SERGEF: variants seen among roughly 807,000 people sequenced by gnomAD.
SERGEF encodes the protein secretion-regulating guanine nucleotide exchange factor.
A neutral mutation model predicts 50.0 loss-of-function variants in SERGEF; 51 were observed. The ratio of observed to expected loss-of-function variants is 1.02; its 90% CI spans 0.81 to 1.29. SERGEF has a LOEUF of 1.29. Ranked by LOEUF, SERGEF falls within the 50% of genes most tolerant of loss-of-function variation. SERGEF has a pLI of 0.00. For synonymous variants in SERGEF, 205 were observed against 212.4 expected (o/e 0.97, Z 0.30); for missense variants, 521 against 557.0 (o/e 0.94, Z 0.65).
intron 9 of SERGEF, among the ~76,000 whole-genome samples, chr11:17,908,733 C>T (rs182642180): frequency 6.6e-6 from 1 of 152,034 alleles, no homozygotes; most frequent in African/African-American, 2.4e-5. Context: ...GATGGGGGAG[C>T]CTTAATGAAT....
chr11:17,806,875 C>T (rs150272272), intron 10 of SERGEF, among the ~76,000 whole-genome samples: 1 of 151,780 alleles, frequency 6.6e-6, no homozygotes, highest in Non-Finnish European at 1.5e-5. Context: ...TCCCACCAAA[C>T]TCAATTGTGT....
chr11:17,804,143 T>C (rs770966606), intron 10 of SERGEF, among the ~76,000 whole-genome samples: 2 of 152,218 alleles, frequency 1.3e-5, no homozygotes, highest in Non-Finnish European at 2.9e-5. Context: ...TTTCAAACAG[T>C]GGCCCGATGA....
chr11:17,890,894 T>A (rs1851521054), intron 9 of SERGEF, among the ~76,000 whole-genome samples: 1 of 152,144 alleles, frequency 6.6e-6, no homozygotes, highest in African/African-American at 2.4e-5. Context: ...AGAAGCAAAC[T>A]TGAAGGGGTT....
At chr11:17,930,079 C>T (rs770263098) in intron 9 of SERGEF, among the ~76,000 whole-genome samples, 8 of 152,208 alleles carry the variant, frequency 5.3e-5, no homozygotes, top group Non-Finnish European at 1.2e-4. Flanking sequence ...TCAACAGACC[C>T]AAATCTGAAC....
intron 6 of SERGEF, 104 bp downstream of exon 6, chr11:17,995,692 C>G: frequency 1.2e-6 from 1 of 810,422 alleles, no homozygotes; most frequent in South Asian, 1.7e-5. Flanking sequence ...TTAGAGAGAC[C>G]AAGAAATAGC....
intron 8 of SERGEF, among the ~76,000 whole-genome samples, chr11:17,976,994 C>G (rs1000659609): frequency 6.6e-6 from 1 of 152,210 alleles, no homozygotes; most frequent in South Asian, 2.1e-4. Context: ...GCTCTGTGGC[C>G]TGGGCTTCTC....
intron 8 of SERGEF, among the ~76,000 whole-genome samples, chr11:17,970,179 A>G (rs1226123743): frequency 6.6e-6 from 1 of 152,058 alleles, no homozygotes; most frequent in East Asian, 1.9e-4. Flanking sequence ...CAGTAAGTCT[A>G]TTGGCGCCAT....
At chr11:17,829,852 C>T (rs1166351777) in intron 10 of SERGEF, among the ~76,000 whole-genome samples, 1 of 152,098 alleles carries the variant, frequency 6.6e-6, no homozygotes, top group African/African-American at 2.4e-5. Flanking sequence ...AGTATAAAAG[C>T]AGATTTGGGT....
intron 9 of SERGEF, among the ~76,000 whole-genome samples, chr11:17,927,060 C>G (rs1024951251): frequency 6.6e-6 from 1 of 152,212 alleles, no homozygotes; most frequent in Non-Finnish European, 1.5e-5. Context: ...CATACCTACT[C>G]TATTCCCGGT....
At chr11:17,876,881 G>A (rs1488119950) in intron 10 of SERGEF, among the ~76,000 whole-genome samples, 1 of 152,224 alleles carries the variant, frequency 6.6e-6, no homozygotes, top group Non-Finnish European at 1.5e-5. Flanking sequence ...AGCAGTTCCG[G>A]TATAAAGTAT....
intron 9 of SERGEF, among the ~76,000 whole-genome samples, chr11:17,899,305 G>T (rs1374965419): frequency 6.6e-6 from 1 of 151,806 alleles, no homozygotes; most frequent in Non-Finnish European, 1.5e-5. Context: ...TCCCTTCTAC[G>T]GTTTCAAAAT....
intron 10 of SERGEF, among the ~76,000 whole-genome samples, chr11:17,839,724 C>T (rs1046915793): frequency 6.6e-6 from 1 of 152,194 alleles, no homozygotes; most frequent in African/African-American, 2.4e-5. Flanking sequence ...GGGCTGCCAG[C>T]TGATCAGAGG....
chr11:17,843,131 T>A (rs1223961098), intron 10 of SERGEF, among the ~76,000 whole-genome samples: 3 of 152,220 alleles, frequency 2.0e-5, no homozygotes, highest in African/African-American at 7.2e-5. Context: ...TAAGTCTGAA[T>A]TCTGATATGC....
At chr11:17,801,483 CTG>C (rs1849669710) in intron 10 of SERGEF, among the ~76,000 whole-genome samples, 1 of 152,126 alleles carries the variant, frequency 6.6e-6, no homozygotes. Context: ...GATTTATAAA[CTG>C]TTTTGGATAT....
At chr11:17,840,686 T>C (rs1042130093) in intron 10 of SERGEF, among the ~76,000 whole-genome samples, 1 of 152,154 alleles carries the variant, frequency 6.6e-6, no homozygotes, top group African/African-American at 2.4e-5. Flanking sequence ...GAGTTGCAGC[T>C]GCAGAAGAAG....
At chr11:17,894,709 C>T (rs1225057008) in intron 9 of SERGEF, among the ~76,000 whole-genome samples, 2 of 152,174 alleles carry the variant, frequency 1.3e-5, no homozygotes, top group African/African-American at 2.4e-5. Flanking sequence ...GAGGCTGACA[C>T]ATTAGTACTC....
chr11:17,979,810 T>C (rs1853456262), intron 8 of SERGEF, among the ~76,000 whole-genome samples: 1 of 152,206 alleles, frequency 6.6e-6, no homozygotes, highest in Non-Finnish European at 1.5e-5. Flanking sequence ...TACTAGGGTT[T>C]TACTGGATGA....
chr11:17,836,540 T>A (rs1014016336), intron 10 of SERGEF, among the ~76,000 whole-genome samples: 1 of 152,228 alleles, frequency 6.6e-6, no homozygotes, highest in African/African-American at 2.4e-5. Context: ...TGGTTCCTGA[T>A]GCCTAAAGGA....
Position 17,988,476 on chromosome 11 carries a change from C to T in SERGEF, c.844+121G>A, listed in dbSNP as rs997407877. The T allele has an allele frequency of 3.3e-6, 3 of 900,268 alleles. No homozygotes were observed. In the African/African-American group the frequency reaches 5.1e-5, roughly 15 times the overall value. The allele number at this position is 900,268 out of a possible 1,614,324, so 55.8% of individuals were successfully genotyped here. A position where few individuals can be genotyped will look rare whatever the true frequency, so the allele number is the denominator to read the frequency against. ...TGGTGGCAGAACTAGATCCCAGTAT[C>T]CCCATCTCTGATCTTTAAGCTTTCA... On this transcript the variant is annotated intron_variant, in intron 8 of 10. Transcript: ENST00000265965.
Sources: gnomAD v4.1 joint callset for allele counts (sites outside exome capture counted in the v4.1 genomes callset) on GRCh38, gnomAD v4.1.1 for gene constraint, MANE v1.5 for transcripts, NCBI Gene and HGNC (gene_info 2026-07-23, HGNC 2026-07-21) for gene names.